AMHR2: variants seen among roughly 807,000 people sequenced by gnomAD.
AMHR2 encodes anti-Mullerian hormone receptor type 2.
In AMHR2, 36 loss-of-function variants were observed where a neutral mutation model predicts 61.4. The observed-to-expected ratio is 0.59, with a 90% CI of 0.45 to 0.77. The LOEUF (loss-of-function observed/expected upper bound fraction) is 0.77. Ranked by LOEUF, AMHR2 falls within the 30% of genes least tolerant of loss-of-function variation. The pLI is 0.00. For synonymous variants in AMHR2, 258 were observed against 279.4 expected, an observed-to-expected ratio of 0.92 and a Z score of 0.76; for missense variants, 638 against 714.6, an observed-to-expected ratio of 0.89 and a Z score of 1.22.
chr12:53,428,893 C>A lies in AMHR2; in HGVS notation c.853-3C>A. On this transcript the variant is annotated splice_polypyrimidine_tract_variant and splice_region_variant and intron_variant, in intron 6 of 10. Transcript: ENST00000257863. The stretch of plus-strand genomic sequence containing the variant: ...CCATCCTTTTCTCTCTGCGTTTCCC[C>A]AGGGCTCCCTGTGCCACTACTTGAC... 1 of 1,550,016 alleles carries A rather than the reference C, an allele frequency of 6.5e-7. No individual in the cohort carries two copies. The highest frequency in any genetic ancestry group is 1.2e-5 in the South Asian group (1 of 84,030).
chr12:53,431,431 T>C lies in AMHR2; in HGVS notation c.1680T>C (p.Cys560=). ...ACTTCAGCGTTCAGCAAGGCCCTTG[T>C]TCCAGGAATCCTCAGCCTGCCTGTA... ...ACHFSVQQGP[C]SRNPQPACTL... Residue 560 remains cysteine (C), a synonymous_variant, in exon 11 of 11, where the codon TGT becomes TGC. Coordinates refer to ENST00000257863, the MANE Select transcript of AMHR2 (RefSeq NM_020547.3). 12 of 1,614,244 alleles carry C rather than the reference T, an allele frequency of 7.4e-6. No homozygotes were observed. Among genetic ancestry groups the C allele is most frequent in the Non-Finnish European group, 1.0e-5 (12 of 1,180,048 alleles).
chr12:53,430,161 C>A lies in AMHR2; in HGVS notation c.1304C>A (p.Pro435His). 6.2e-7 allele frequency: 1 copy of A among 1,614,212 alleles called. No individual in the cohort carries two copies. The highest frequency in any genetic ancestry group is 8.5e-7 in the Non-Finnish European group (1 of 1,180,032). Reference protein sequence around the residue: ...PDLRPDSSPPPFQLAYEAELG... With the variant: ...PDLRPDSSPPHFQLAYEAELG... The stretch of plus-strand genomic sequence containing the variant: ...CTTCCTCCAGACAGCAGTCCACCAC[C>A]CTTCCAACTGGCCTATGAGGCAGAA... The change falls in exon 10 of 11, where the codon CCC (proline) becomes CAC (histidine). Residue 435 changes from proline to histidine, a missense_variant. Pro to His is a moderately conservative substitution (Grantham distance 77). Transcript: ENST00000257863.
rs1401196084 is a variant in AMHR2, at chr12:53,429,942, T to C, written c.1252T>C (p.Trp418Arg). The part of the protein sequence containing the change: ...ADIYSLALLL[W>R]EILSRCPDLR... ...TATTTACTCTTTGGCTCTGCTCCTG[T>C]GGGAGATACTGAGCCGCTGCCCAGA... is the stretch of plus-strand genomic sequence containing the variant. The change falls in exon 9 of 11, where the codon TGG (tryptophan) becomes CGG (arginine). Residue 418 changes from tryptophan to arginine, a missense_variant. Trp to Arg is a moderately radical substitution (Grantham distance 101). Coordinates refer to ENST00000257863, the MANE Select transcript of AMHR2 (RefSeq NM_020547.3). The C allele has an allele frequency of 6.2e-7, 1 of 1,614,048 alleles. No homozygotes were observed. Among genetic ancestry groups the C allele is most frequent in the Non-Finnish European group, 8.5e-7 (1 of 1,180,026 alleles).
chr12:53,425,231 GCAT>G lies in AMHR2; in HGVS notation c.496_498del (p.Ile166del), dbSNP rs1431029126. 1.9e-6 allele frequency: 3 copies of G among 1,613,554 alleles called. No homozygotes were observed. Among genetic ancestry groups the G allele is most frequent in the Non-Finnish European group, 2.5e-6 (3 of 1,180,022 alleles). ...CTCCTCCTCCTGCTGCTGCTGGGCA[GCAT>G]CATCTTGGGTACTAATCCACCCCAT... On this transcript the variant is annotated inframe_deletion, in exon 4 of 11. Transcript: ENST00000257863.
intron 1 of AMHR2, 61 bp from the exon 2 acceptor site, chr12:53,424,227 T>G: frequency 6.2e-7 from 1 of 1,604,184 alleles, no homozygotes; most frequent in African/African-American, 1.3e-5. Flanking sequence ...TTTTGGCCAG[T>G]TTTTTGCCTC....
chr12:53,425,615 G>A, intron 5 of AMHR2, 42 bp downstream of exon 5: 1 of 1,612,214 alleles, frequency 6.2e-7, no homozygotes, highest in Non-Finnish European at 8.5e-7. Flanking sequence ...GGGCACTCCT[G>A]GAGGTTGTGC....
chr12:53,429,010 G>T lies in AMHR2; in HGVS notation c.967G>T (p.Gly323Cys). The change falls in exon 7 of 11, where the codon GGC becomes TGC. Residue 323 changes from glycine (G) to cysteine (C), a missense_variant and splice_region_variant. Transcript: ENST00000257863. ...TCTCCATGAGGAGCGCTGGCAGAAT[G>T]GTGGGTGAGCTGGGCATAGGAAGTC... The part of the protein sequence containing the change: ...AFLHEERWQN[G>C]QYKPGIAHRD... 1 of 1,550,582 alleles carries T rather than the reference G, an allele frequency of 6.4e-7. No homozygotes were observed. Among genetic ancestry groups the T allele is most frequent in the Non-Finnish European group, 8.7e-7 (1 of 1,146,504 alleles).
chr12:53,424,566 A>G (rs1295567958), intron 2 of AMHR2, 96 bp downstream of exon 2: 1 of 1,555,590 alleles, frequency 6.4e-7, no homozygotes, highest in Non-Finnish European at 8.8e-7. Flanking sequence ...GAGAAATAGA[A>G]CATCTGGTGG....
chr12:53,428,981 C>G lies in AMHR2; in HGVS notation c.938C>G (p.Ala313Gly). 1 of 1,551,436 alleles carries G rather than the reference C, an allele frequency of 6.4e-7. No individual in the cohort carries two copies. The highest frequency in any genetic ancestry group is 1.7e-4 in the Middle Eastern group (1 of 5,884). ...GCACTGTCCCTGGCCCAGGGCCTGGCATTTCTCCATGAGGAGCGCTGGCAG... is the reference window on the plus strand; with the variant it reads ...GCACTGTCCCTGGCCCAGGGCCTGGGATTTCTCCATGAGGAGCGCTGGCAG... ...RMALSLAQGL[A>G]FLHEERWQNG... The change falls in exon 7 of 11, where the codon GCA becomes GGA. Residue 313 changes from alanine to glycine, a missense_variant. Ala to Gly is a moderately conservative substitution (Grantham distance 60, BLOSUM62 0). Coordinates refer to ENST00000257863, the MANE Select transcript of AMHR2 (RefSeq NM_020547.3).
In AMHR2 at chr12:53,424,449, C is replaced by G. The variant is rs200109472; in HGVS notation, c.211C>G (p.Arg71Gly). ...TGGGATCTGGAACCTGACCCAAGAC[C>G]GGGCACAGGTGGAAATGCAAGGTGA... ...CFGIWNLTQD[R>G]AQVEMQGCRD... is the part of the protein sequence containing the mutation. Residue 71 changes from arginine to glycine, a missense_variant, in exon 2 of 11, where the codon CGG (arginine) becomes GGG (glycine). Coordinates refer to ENST00000257863, the MANE Select transcript of AMHR2 (RefSeq NM_020547.3). 8.7e-5 allele frequency: 141 copies of G among 1,613,316 alleles called. 1 individual carries two copies. The East Asian group carries it at 3.1e-3, about 35-fold the overall frequency.
At position 53,423,876 on chromosome 12, in the gene AMHR2, CA is replaced by C. The variant is rs1400719021; in HGVS notation, c.-58del. ...CCCTGTATCTGAAGAAAGATTTGGC[CA>C]GGGGCAGCTGTGCTGGCTTATGCTC... On this transcript the variant is annotated 5_prime_UTR_variant, in exon 1 of 11. Coordinates refer to ENST00000257863, the MANE Select transcript of AMHR2 (RefSeq NM_020547.3). The C allele has an allele frequency of 1.9e-6, 3 of 1,594,738 alleles. No homozygotes were observed. Among genetic ancestry groups the C allele is most frequent in the Admixed American group, 1.7e-5 (1 of 59,820 alleles).
intron 6 of AMHR2, among the ~76,000 whole-genome samples, chr12:53,427,496 C>G (rs1236454065): frequency 6.6e-6 from 1 of 152,168 alleles, no homozygotes; most frequent in African/African-American, 2.4e-5. Context: ...GCCTCTACCT[C>G]CTGGTTTCAA....
In AMHR2 at chr12:53,425,845, T is replaced by C; in HGVS notation, c.778T>C (p.Phe260Leu). The part of the protein sequence containing the change: ...PGLQHDHIVR[F>L]ITASRGGPGR... Reference sequence around the variant, plus strand: ...CCTACAGCACGACCACATTGTCCGATTTATCACTGCCAGCCGGGGGGGTCC... The same window carrying C: ...CCTACAGCACGACCACATTGTCCGACTTATCACTGCCAGCCGGGGGGGTCC... The change falls in exon 6 of 11, where the codon TTT (phenylalanine) becomes CTT (leucine). Residue 260 changes from phenylalanine (F) to leucine (L), a missense_variant. Coordinates refer to ENST00000257863, the MANE Select transcript of AMHR2 (RefSeq NM_020547.3). 6.2e-7 allele frequency: 1 copy of C among 1,614,042 alleles called. No homozygotes were observed. Among genetic ancestry groups the C allele is most frequent in the Non-Finnish European group, 8.5e-7 (1 of 1,179,988 alleles).
In AMHR2 at chr12:53,431,359, TCCTGC is replaced by T. The variant is rs1420633375; in HGVS notation, c.1611_1615del (p.Ala538TyrfsTer6). On this transcript the variant is annotated frameshift_variant, in exon 11 of 11. Coordinates refer to ENST00000257863, the MANE Select transcript of AMHR2 (RefSeq NM_020547.3). LOFTEE classifies it low-confidence loss of function (END_TRUNC). ...TCTGCCCAGAAGACTGTACTTCAAT[TCCTGC>T]CCCTACCATCCTCCCCTGTAGGCCT... 3 of 1,614,086 alleles carry T rather than the reference TCCTGC, an allele frequency of 1.9e-6. No homozygotes were observed. In the African/African-American group the frequency reaches 4.0e-5, roughly 22 times the overall value.
intron 7 of AMHR2, 58 bp from the exon 8 acceptor site, chr12:53,429,395 A>G: frequency 6.3e-7 from 1 of 1,576,292 alleles, no homozygotes; most frequent in South Asian, 1.1e-5. Flanking sequence ...CCGACTCAAA[A>G]AAAAAAAAAG....
intron 3 of AMHR2, 76 bp downstream of exon 3, chr12:53,424,976 T>A: frequency 6.4e-7 from 1 of 1,560,620 alleles, no homozygotes; most frequent in Non-Finnish European, 8.7e-7. Flanking sequence ...CAGGGCCAGT[T>A]CTCACCCTAC....
At chr12:53,427,224 A>G (rs985087102) in intron 6 of AMHR2, among the ~76,000 whole-genome samples, 1 of 152,092 alleles carries the variant, frequency 6.6e-6, no homozygotes, top group African/African-American at 2.4e-5. Flanking sequence ...CCAATGAACT[A>G]TAAGAATAAT....
At position 53,430,907 on chromosome 12, in the gene AMHR2, A is replaced by G. The variant is rs1393134207; in HGVS notation, c.1426-270A>G. The G allele has an allele frequency of 1.5e-5, 8 of 547,346 alleles. No individual in the cohort carries two copies. In the East Asian group the frequency reaches 2.5e-4, roughly 17 times the overall value. 33.9% of individuals were successfully genotyped at this position (547,346 alleles called of 1,614,324 possible). ...ACTCTGGCTCTCTGAGAGGAAAGAG[A>G]GTAATTTCCCATTAGCATATTAAGC... On this transcript the variant is annotated intron_variant, in intron 10 of 10. Coordinates refer to ENST00000257863, the MANE Select transcript of AMHR2 (RefSeq NM_020547.3).
At position 53,431,263 on chromosome 12, in the gene AMHR2, C is replaced by T. The variant is rs980679230; in HGVS notation, c.1512C>T (p.Arg504=). Residue 504 remains arginine (R), a synonymous_variant, in exon 11 of 11, where the codon CGC becomes CGT. Transcript: ENST00000257863. ...TGACAGCTGAGTGTGTACAGCAGCG[C>T]CTGGCTGCCTTGGCCCATCCTCAAG... ...ARLTAECVQQ[R]LAALAHPQES... is the part of the protein sequence containing the mutation. 7 of 1,614,220 alleles carry T rather than the reference C, an allele frequency of 4.3e-6. No homozygotes were observed. Among genetic ancestry groups the T allele is most frequent in the Non-Finnish European group, 5.9e-6 (7 of 1,180,040 alleles).
Sources: gnomAD v4.1 joint callset for allele counts (sites outside exome capture counted in the v4.1 genomes callset) on GRCh38, gnomAD v4.1.1 for gene constraint, MANE v1.5 for transcripts, NCBI Gene and HGNC (gene_info 2026-07-23, HGNC 2026-07-21) for gene names.